Variants in TAB2 observed in about 807,000 individuals in gnomAD.
The protein encoded by TAB2 is TGF-beta activated kinase 1 (MAP3K7) binding protein 2, also known as TGF-beta-activated kinase 1 and MAP3K7-binding protein 2.
TAB2 carries 3 observed loss-of-function variants against 65.0 expected under a neutral mutation model. That is an observed-to-expected ratio of 0.05 (90% confidence interval 0.02 to 0.12). The LOEUF (loss-of-function observed/expected upper bound fraction) is 0.12, where lower values mean the gene tolerates loss of function less well. Among genes scored for constraint, TAB2 ranks in the 10% least tolerant of loss-of-function variants. TAB2 has a pLI of 1.00. For missense variants in TAB2, 623 were observed against 840.3 expected, an observed-to-expected ratio of 0.74 and a Z score of 3.20; for synonymous variants, 298 against 285.1, an observed-to-expected ratio of 1.05 and a Z score of -0.46.
chr6:149,271,983 T>C (rs980227817), intron 1 of TAB2, among the ~76,000 whole-genome samples: 7 of 151,850 alleles, frequency 4.6e-5, no homozygotes, highest in African/African-American at 9.7e-5. Context: ...CACCACACAG[T>C]CCCTAGCCCC....
intron 1 of TAB2, among the ~76,000 whole-genome samples, chr6:149,261,087 C>T (rs1218179283): frequency 1.3e-5 from 2 of 152,094 alleles, no homozygotes; most frequent in African/African-American, 4.8e-5. Flanking sequence ...TCCAAATGGG[C>T]CTTTCAGAGT....
At chr6:149,278,877 G>T (rs980939723) in intron 1 of TAB2, among the ~76,000 whole-genome samples, 1 of 152,012 alleles carries the variant, frequency 6.6e-6, no homozygotes, top group Non-Finnish European at 1.5e-5. Context: ...CCAGGAGTCC[G>T]AGACCTGTCT....
intron 1 of TAB2, chr6:149,245,329 A>G: frequency 6.6e-6 from 1 of 152,208 alleles, no homozygotes; most frequent in East Asian, 1.9e-4. Flanking sequence ...ACTTGCAGCC[A>G]TCAAATCACT....
At chr6:149,253,767 C>T (rs1386889014) in intron 1 of TAB2, among the ~76,000 whole-genome samples, 1 of 151,028 alleles carries the variant, frequency 6.6e-6, no homozygotes, top group Non-Finnish European at 1.5e-5. Context: ...GCTAAAAATA[C>T]AAAAATTAGC....
intron 1 of TAB2, among the ~76,000 whole-genome samples, chr6:149,324,125 A>G (rs999505985): frequency 6.6e-6 from 1 of 152,138 alleles, no homozygotes; most frequent in Non-Finnish European, 1.5e-5. Flanking sequence ...GAAGAAAAAC[A>G]AAAACCGGCC....
rs1470593901 is a variant in TAB2 at position 149,378,988 on chromosome 6, A to G, written c.1073A>G (p.Gln358Arg). Residue 358 changes from glutamine to arginine, a missense_variant, in exon 3 of 7, where the codon CAG becomes CGG. Transcript: ENST00000637181. ...AGCACTTCCTCTTCAGTCAATAGCC[A>G]GACCTTAAACAGAAATCAGCCCACT... ...TSSTSSSVNS[Q>R]TLNRNQPTVY... 3 of 1,614,228 alleles carry G rather than the reference A, an allele frequency of 1.9e-6. No individual in the cohort carries two copies. The highest frequency in any genetic ancestry group is 1.7e-5 in the Admixed American group (1 of 60,034).
intron 2 of TAB2, among the ~76,000 whole-genome samples, chr6:149,372,897 G>A (rs781627860): frequency 4.6e-5 from 7 of 152,066 alleles, no homozygotes; most frequent in Non-Finnish European, 8.8e-5. Flanking sequence ...TTCTCAGTTG[G>A]GTGGGTTTCT....
intron 1 of TAB2, among the ~76,000 whole-genome samples, chr6:149,324,826 C>CTTT (rs35922173): frequency 0.036 from 4,715 of 132,736 alleles, 331 homozygotes; most frequent in African/African-American, 0.13. Flanking sequence ...GAAAATATTA[C>CTTT]TTTTTTTTTT....
intron 1 of TAB2, among the ~76,000 whole-genome samples, chr6:149,298,531 G>C (rs1270975566): frequency 6.6e-6 from 1 of 152,156 alleles, no homozygotes; most frequent in Admixed American, 6.5e-5. Context: ...CGGAGGCTGA[G>C]GTGGGAGACT....
chr6:149,219,395 T>C (rs915538995), intron 1 of TAB2, among the ~76,000 whole-genome samples: 4 of 152,110 alleles, frequency 2.6e-5, no homozygotes, highest in African/African-American at 9.7e-5. Flanking sequence ...CTAACAACTG[T>C]ATGTGTTATT....
In TAB2 at chr6:149,379,367, C is replaced by T. The variant is rs1781527860; in HGVS notation, c.1452C>T (p.Thr484=). The part of the protein sequence containing the change: ...PAVSPGVVSP[T]FELTNLLNHP... Reference sequence around the variant, plus strand: ...TTTCACCAGGGGTGGTGTCCCCTACCTTTGAACTTACAAATCTTCTTAATC... The same window carrying T: ...TTTCACCAGGGGTGGTGTCCCCTACTTTTGAACTTACAAATCTTCTTAATC... Residue 484 remains threonine, a synonymous_variant, in exon 3 of 7, where the codon ACC becomes ACT. Transcript: ENST00000637181. The T allele has an allele frequency of 1.2e-6, 2 of 1,614,190 alleles. No individual in the cohort carries two copies. Among genetic ancestry groups the T allele is most frequent in the Non-Finnish European group, 1.7e-6 (2 of 1,180,034 alleles).
rs559064046 is a variant in TAB2 at position 149,362,328 on chromosome 6, C to A, written c.-89-7581C>A. On this transcript the variant is annotated intron_variant, in intron 1 of 6. Coordinates refer to ENST00000637181, the MANE Select transcript of TAB2 (RefSeq NM_001292034.3). Reference sequence around the variant, plus strand: ...GCATCTGCTTCGCTTCTGGCGGGACCTCAGGAAGCTTACAGCTATGGCAGA... The same window carrying A: ...GCATCTGCTTCGCTTCTGGCGGGACATCAGGAAGCTTACAGCTATGGCAGA... Among the ~76,000 whole-genome samples, 4 of 152,302 alleles carry A rather than the reference C, an allele frequency of 2.6e-5. No homozygotes were observed. In the East Asian group the frequency reaches 7.7e-4, roughly 29 times the overall value.
chr6:149,337,383 T>G (rs551541332), intron 1 of TAB2, among the ~76,000 whole-genome samples: 1 of 152,330 alleles, frequency 6.6e-6, no homozygotes, highest in African/African-American at 2.4e-5. Flanking sequence ...TGTAGCTTTC[T>G]CCAGACTGCC....
chr6:149,273,712 A>G (rs893824986), intron 1 of TAB2, among the ~76,000 whole-genome samples: 3 of 152,236 alleles, frequency 2.0e-5, no homozygotes, highest in African/African-American at 7.2e-5. Flanking sequence ...AACAACCAAC[A>G]TGAGGAGATT....
intron 1 of TAB2, among the ~76,000 whole-genome samples, chr6:149,336,128 T>G (rs1779926599): frequency 6.6e-6 from 1 of 152,206 alleles, no homozygotes; most frequent in Non-Finnish European, 1.5e-5. Flanking sequence ...AACTGAATCA[T>G]AGATTCTAGA....
intron 1 of TAB2, among the ~76,000 whole-genome samples, chr6:149,289,777 G>C (rs1264839865): frequency 6.6e-6 from 1 of 152,224 alleles, no homozygotes; most frequent in African/African-American, 2.4e-5. Flanking sequence ...GCCTAAGTTG[G>C]TCGGGCTACA....
rs115312056 is a variant in TAB2 at position 149,309,744 on chromosome 6, T to C, written c.-120-68274T>C. Among the ~76,000 whole-genome samples, 284 of 152,238 alleles carry C rather than the reference T, an allele frequency of 1.9e-3. 1 individual carries two copies. Among genetic ancestry groups the C allele is most frequent in the African/African-American group, 6.8e-3 (281 of 41,534 alleles). ...AAAATGGTCTAGCTATTCTTCTTCA[T>C]TGATTTCATTAATTTTGATATATAA... On this transcript the variant is annotated intron_variant, in intron 1 of 1. Transcript: ENST00000606202.
intron 1 of TAB2, among the ~76,000 whole-genome samples, chr6:149,301,527 T>C (rs573534133): frequency 1.3e-5 from 2 of 152,346 alleles, no homozygotes; most frequent in African/African-American, 2.4e-5. Flanking sequence ...ATTACACATA[T>C]ACATTCATCA....
chr6:149,340,620 G>A (rs1447416228), intron 1 of TAB2, among the ~76,000 whole-genome samples: 1 of 152,066 alleles, frequency 6.6e-6, no homozygotes, highest in East Asian at 1.9e-4. Flanking sequence ...TAAAAAAGTG[G>A]TTTATCTGAA....
Sources: gnomAD v4.1 joint callset for allele counts (sites outside exome capture counted in the v4.1 genomes callset) on GRCh38, gnomAD v4.1.1 for gene constraint, MANE v1.5 for transcripts, NCBI Gene and HGNC (gene_info 2026-07-23, HGNC 2026-07-21) for gene names.